Variants in MAGI3 observed in about 807,000 individuals in gnomAD.
MAGI3 encodes membrane-associated guanylate kinase, WW and PDZ domain-containing protein 3.
In MAGI3, 43 loss-of-function variants were observed where a neutral mutation model predicts 121.8. That is an observed-to-expected ratio of 0.35 (90% confidence interval 0.28 to 0.46). The LOEUF (loss-of-function observed/expected upper bound fraction) is 0.46. Among genes scored for constraint, MAGI3 ranks in the 20% least tolerant of loss-of-function variants. The probability of loss-of-function intolerance (pLI) is 1.00; values close to 1 mark genes in which losing one functional copy is unlikely to be tolerated. For missense variants in MAGI3, 1,547 were observed against 1,797.3 expected (o/e 0.86, Z 2.52); for synonymous variants, 553 against 639.3 (o/e 0.86, Z 2.04).
At chr1:113,462,258 A>G (rs893968862) in intron 1 of MAGI3, among the ~76,000 whole-genome samples, 1 of 152,218 alleles carries the variant, frequency 6.6e-6, no homozygotes, top group African/African-American at 2.4e-5. Flanking sequence ...AGACACATCC[A>G]TGTGAATGTT....
intron 1 of MAGI3, among the ~76,000 whole-genome samples, chr1:113,431,704 G>A (rs1653307701): frequency 6.6e-6 from 1 of 152,112 alleles, no homozygotes; most frequent in African/African-American, 2.4e-5. Context: ...TTTATTGAGT[G>A]AAAATTAAAA....
chr1:113,658,946 G>T lies in MAGI3; in HGVS notation c.2630-134G>T, dbSNP rs926936478. 1 of 743,816 alleles carries T rather than the reference G, an allele frequency of 1.3e-6. No individual in the cohort carries two copies. The highest frequency in any genetic ancestry group is 2.2e-6 in the Non-Finnish European group (1 of 452,010). 46.1% of individuals were successfully genotyped at this position (743,816 alleles called of 1,614,324 possible). A position where few individuals can be genotyped will look rare whatever the true frequency, so the allele number is the denominator to read the frequency against. On this transcript the variant is annotated intron_variant, in intron 15 of 20. Coordinates refer to ENST00000307546, the MANE Select transcript of MAGI3 (RefSeq NM_001142782.2). The surrounding 1 kb of genome is among the most constrained non-coding windows in gnomAD (Gnocchi z 4.0). ...AGTTCCGTTTGGATGCGATGATGAC[G>T]TGTGGTACTTTTCTGTTATGTTTTT...
intron 4 of MAGI3, among the ~76,000 whole-genome samples, chr1:113,590,037 A>G (rs1648598916): frequency 6.6e-6 from 1 of 152,062 alleles, no homozygotes; most frequent in Non-Finnish European, 1.5e-5. Flanking sequence ...TGTAATTTTG[A>G]CTAAGTTAAC....
At chr1:113,479,010 T>A (rs941981105) in intron 1 of MAGI3, among the ~76,000 whole-genome samples, 5 of 152,194 alleles carry the variant, frequency 3.3e-5, no homozygotes, top group Admixed American at 2.0e-4. Context: ...CTCAGACTGC[T>A]GTGCTAGCAG....
chr1:113,616,705 T>C (rs1206261274), intron 7 of MAGI3, among the ~76,000 whole-genome samples: 1 of 152,224 alleles, frequency 6.6e-6, no homozygotes, highest in Non-Finnish European at 1.5e-5. Flanking sequence ...AAATGCGGTC[T>C]TGATTATATT....
intron 1 of MAGI3, among the ~76,000 whole-genome samples, chr1:113,537,729 A>AT (rs1417928931): frequency 1.3e-4 from 20 of 151,920 alleles, no homozygotes; most frequent in African/African-American, 4.6e-4. Flanking sequence ...TTTTTCTTTC[A>AT]TTTTTGATTA....
At chr1:113,444,623 C>T (rs192728748) in intron 1 of MAGI3, among the ~76,000 whole-genome samples, 2 of 152,128 alleles carry the variant, frequency 1.3e-5, no homozygotes, top group Non-Finnish European at 2.9e-5. Flanking sequence ...ACCCAGCAAA[C>T]CCTGAGGAAA....
intron 15 of MAGI3, among the ~76,000 whole-genome samples, chr1:113,655,258 A>G (rs1224077808): frequency 1.3e-5 from 2 of 152,206 alleles, no homozygotes; most frequent in African/African-American, 2.4e-5. Context: ...TTCTCGTAAC[A>G]TACAATAACA....
intron 1 of MAGI3, among the ~76,000 whole-genome samples, chr1:113,392,877 A>G (rs1650903050): frequency 6.6e-6 from 1 of 152,242 alleles, no homozygotes; most frequent in Admixed American, 6.5e-5. Context: ...AAGGCTATAT[A>G]GACAGCATTT....
chr1:113,615,605 A>G (rs1028056522), intron 7 of MAGI3, among the ~76,000 whole-genome samples: 3 of 152,058 alleles, frequency 2.0e-5, no homozygotes, highest in Non-Finnish European at 2.9e-5. Context: ...TCTTTATTCT[A>G]TTGTGCAGGT....
chr1:113,453,747 A>T (rs1654603046), intron 1 of MAGI3, among the ~76,000 whole-genome samples: 1 of 152,216 alleles, frequency 6.6e-6, no homozygotes, highest in African/African-American at 2.4e-5. Flanking sequence ...TTTAGGGATA[A>T]TTAGCTATGA....
intron 1 of MAGI3, among the ~76,000 whole-genome samples, chr1:113,400,068 G>A (rs926942310): frequency 1.3e-5 from 2 of 152,064 alleles, no homozygotes; most frequent in African/African-American, 4.8e-5. Context: ...CATTACTTAA[G>A]TATGGTGTCA....
Position 113,683,785 on chromosome 1 carries a change from T to TATCA in MAGI3, c.4218_4221dup (p.Glu1408IlefsTer10). 1 of 1,607,148 alleles carries TATCA rather than the reference T, an allele frequency of 6.2e-7. No individual in the cohort carries two copies. The highest frequency in any genetic ancestry group is 8.5e-7 in the Non-Finnish European group (1 of 1,176,460). On this transcript the variant is annotated frameshift_variant, in exon 21 of 21. Transcript: ENST00000307546. LOFTEE classifies it low-confidence loss of function (END_TRUNC). ...GATAAAATAGGAGAAAATGTCCAGC[T>TATCA]ATCAGAAAAGAGGCTGAAGCAAGAA... is the stretch of plus-strand genomic sequence containing the variant.
intron 1 of MAGI3, among the ~76,000 whole-genome samples, chr1:113,439,071 C>T (rs1443615644): frequency 6.6e-6 from 1 of 152,164 alleles, no homozygotes; most frequent in Admixed American, 6.5e-5. Context: ...TACTTGAACA[C>T]AGGCACTGTG....
chr1:113,585,260 G>GC (rs1648291225), intron 3 of MAGI3, 127 bp from the exon 4 acceptor site: 5 of 800,320 alleles, frequency 6.2e-6, no homozygotes, highest in Admixed American at 2.6e-5. Context: ...GAGCCACCAT[G>GC]CCCACCCCTA....
chr1:113,559,508 A>C (rs1256606833), intron 2 of MAGI3, among the ~76,000 whole-genome samples: 7 of 152,204 alleles, frequency 4.6e-5, no homozygotes, highest in Non-Finnish European at 1.0e-4. Flanking sequence ...CAACAATAAG[A>C]GCCAACTACC....
intron 1 of MAGI3, among the ~76,000 whole-genome samples, chr1:113,509,722 C>T (rs1265641235): frequency 2.4e-5 from 3 of 123,922 alleles, no homozygotes; most frequent in Non-Finnish European, 5.0e-5. Context: ...TAATGGCCAA[C>T]GAGTCACAAC....
At chr1:113,475,861 C>A (rs1655791303) in intron 1 of MAGI3, among the ~76,000 whole-genome samples, 1 of 152,082 alleles carries the variant, frequency 6.6e-6, no homozygotes, top group Admixed American at 6.5e-5. Flanking sequence ...TGATTCTGGA[C>A]TTTTTTTGGT....
At chr1:113,559,925 G>A (rs966741298) in intron 2 of MAGI3, among the ~76,000 whole-genome samples, 5 of 152,196 alleles carry the variant, frequency 3.3e-5, no homozygotes, top group African/African-American at 1.2e-4. Context: ...CACAATAATC[G>A]TAGGAGACTT....
Sources: allele counts gnomAD v4.1 joint callset (sites outside exome capture counted in the v4.1 genomes callset), GRCh38; gene constraint gnomAD v4.1.1; non-coding constraint Gnocchi (gnomAD v3.1); transcripts MANE v1.5; gene names NCBI Gene and HGNC (gene_info 2026-07-23, HGNC 2026-07-21).